TMEM63C: variants seen among roughly 807,000 people sequenced by gnomAD.
TMEM63C encodes the protein transmembrane protein 63C.
Under a neutral mutation model 99.2 loss-of-function variants are expected in TMEM63C, and 32 were observed. That is an observed-to-expected ratio of 0.32 (90% CI 0.24 to 0.43). The LOEUF (loss-of-function observed/expected upper bound fraction) is 0.43. Ranked by LOEUF, TMEM63C falls within the 20% of genes least tolerant of loss-of-function variation. The pLI is 1.00. For missense variants in TMEM63C, 826 were observed against 1,053.0 expected, an observed-to-expected ratio of 0.78 and a Z score of 2.98; for synonymous variants, 376 against 397.9, an observed-to-expected ratio of 0.94 and a Z score of 0.66.
chr14:77,215,143 G>A (rs1486067945), intron 2 of TMEM63C, among the ~76,000 whole-genome samples: 1 of 152,110 alleles, frequency 6.6e-6, no homozygotes, highest in Non-Finnish European at 1.5e-5. Flanking sequence ...AGCCTCCACA[G>A]GCCCCATTGT....
intron 18 of TMEM63C, 31 bp from the exon 19 acceptor site, chr14:77,248,316 G>C: frequency 3.8e-6 from 6 of 1,569,948 alleles, no homozygotes; most frequent in Non-Finnish European, 4.3e-6. Context: ...TGTGGCTTCT[G>C]TTGCCACCTT....
chr14:77,194,378 GTGTGTA>G (rs534768951), intron 1 of TMEM63C, among the ~76,000 whole-genome samples: 18,083 of 118,094 alleles, frequency 0.15, 1,272 homozygotes, highest in Middle Eastern at 0.23. Context: ...GTGTGTGTGT[GTGTGTA>G]TGTTCATATT....
At chr14:77,191,944 C>T (rs1479467305) in intron 1 of TMEM63C, among the ~76,000 whole-genome samples, 3 of 152,164 alleles carry the variant, frequency 2.0e-5, no homozygotes, top group African/African-American at 7.2e-5. Context: ...GTCTATTTCT[C>T]CCTTCAGTTT....
chr14:77,242,279 T>A (rs1440614266), intron 13 of TMEM63C, 68 bp from the exon 14 acceptor site: 13 of 1,569,122 alleles, frequency 8.3e-6, no homozygotes, highest in Non-Finnish European at 1.1e-5. Flanking sequence ...GCTCCTGGCA[T>A]GAGACCCTCC....
chr14:77,230,643 T>G (rs964835821), intron 6 of TMEM63C, among the ~76,000 whole-genome samples: 1 of 152,070 alleles, frequency 6.6e-6, no homozygotes, highest in Non-Finnish European at 1.5e-5. Flanking sequence ...ATATGAGGGA[T>G]CTAGGCTGCC....
rs190534347 is a variant in TMEM63C at position 77,190,256 on chromosome 14, A to G, written c.-77+8362A>G. ...AGAGGTAGAAAGTCCCAACAGACCA[A>G]TAATCACTGAAGAAACTGAGTTTTC... On this transcript the variant is annotated intron_variant, in intron 1 of 23. Coordinates refer to ENST00000298351, the MANE Select transcript of TMEM63C (RefSeq NM_020431.4). 9.2e-5 allele frequency among the ~76,000 whole-genome samples: 14 copies of G among 152,236 alleles called. No individual in the cohort carries two copies. The East Asian group carries it at 2.7e-3, about 29-fold the overall frequency.
chr14:77,210,203 C>A (rs1000613713), intron 1 of TMEM63C, among the ~76,000 whole-genome samples: 2 of 152,154 alleles, frequency 1.3e-5, no homozygotes, highest in Non-Finnish European at 2.9e-5. Flanking sequence ...GATTCTCATG[C>A]TTAATGTCTG....
Position 77,213,509 on chromosome 14 carries a change from G to A in TMEM63C, c.-14+1G>A, listed in dbSNP as rs760225401. On this transcript the variant is annotated splice_donor_variant, in intron 2 of 23. Transcript: ENST00000298351. LOFTEE classifies it low-confidence loss of function (5UTR_SPLICE). ...GACCTTCACTGGAGAAGTGACTCAG[G>A]TGGGAAAAGTCTCCCCGGGCCTCTC... The A allele has an allele frequency of 1.3e-5, 2 of 152,198 alleles. No individual in the cohort carries two copies. Among genetic ancestry groups the A allele is most frequent in the Non-Finnish European group, 2.9e-5 (2 of 68,042 alleles). The allele number at this position is 152,198 out of a possible 1,614,324, so 9.4% of individuals were successfully genotyped here. A position where few individuals can be genotyped will look rare whatever the true frequency, so the allele number is the denominator to read the frequency against.
chr14:77,218,635 C>G (rs577074430), intron 2 of TMEM63C, among the ~76,000 whole-genome samples, 166 bp from the exon 3 acceptor site: 3 of 152,384 alleles, frequency 2.0e-5, no homozygotes, highest in Admixed American at 6.5e-5. Flanking sequence ...TCTTGCAGGA[C>G]AGGGCTGTGT....
At position 77,249,336 on chromosome 14, in the gene TMEM63C, T is replaced by G; in HGVS notation, c.1916T>G (p.Met639Arg). Residue 639 changes from methionine to arginine, a missense_variant, in exon 21 of 24, where the codon ATG (methionine) becomes AGG (arginine). Met to Arg is a moderately conservative substitution (Grantham distance 91). Transcript: ENST00000298351. ...AAGCACTTGACGGATCGCTATAACA[T>G]GTACTACTCCTTTGCACCCACCAAA... ...CMKHLTDRYNMYYSFAPTKLN... is the reference protein window; with the variant it reads ...CMKHLTDRYNRYYSFAPTKLN... 1 of 1,614,004 alleles carries G rather than the reference T, an allele frequency of 6.2e-7. No individual in the cohort carries two copies. Among genetic ancestry groups the G allele is most frequent in the Non-Finnish European group, 8.5e-7 (1 of 1,179,886 alleles).
rs553115607 is a variant in TMEM63C at position 77,191,755 on chromosome 14, G to T, written c.-77+9861G>T. Among the ~76,000 whole-genome samples, 34 of 151,750 alleles carry T rather than the reference G, an allele frequency of 2.2e-4. No individual in the cohort carries two copies. In the East Asian group the frequency reaches 4.1e-3, roughly 18 times the overall value. ...GATGGGATTTCTCCATGTTGGTCAGGCTGGTCTCGAACTCCCGACCTCAGG... is the reference window on the plus strand; with the variant it reads ...GATGGGATTTCTCCATGTTGGTCAGTCTGGTCTCGAACTCCCGACCTCAGG... On this transcript the variant is annotated intron_variant, in intron 1 of 23. Transcript: ENST00000298351.
chr14:77,256,451 T>C, intron 23 of TMEM63C, 75 bp from the exon 24 acceptor site: 1 of 1,447,200 alleles, frequency 6.9e-7, no homozygotes, highest in Non-Finnish European at 9.6e-7. Flanking sequence ...GGGTGGGGCA[T>C]GAGGGGAGAG....
At chr14:77,194,553 C>CTTTCTTTCTTTT (rs56115104) in intron 1 of TMEM63C, among the ~76,000 whole-genome samples, 6 of 125,046 alleles carry the variant, frequency 4.8e-5, no homozygotes, top group African/African-American at 1.9e-4. Context: ...TTCTTTCTTT[C>CTTTCTTTCTTTT]TCTTTCTTTC....
At chr14:77,217,966 G>C (rs1255942412) in intron 2 of TMEM63C, among the ~76,000 whole-genome samples, 1 of 151,964 alleles carries the variant, frequency 6.6e-6, no homozygotes, top group African/African-American at 2.4e-5. Flanking sequence ...GTGGGGAGTG[G>C]GGATGCTTAA....
intron 2 of TMEM63C, among the ~76,000 whole-genome samples, chr14:77,216,805 C>T (rs980387535): frequency 1.3e-5 from 2 of 152,144 alleles, no homozygotes; most frequent in African/African-American, 2.4e-5. Flanking sequence ...GTCTCCTGCC[C>T]GGACCCTGGC....
Position 77,204,046 on chromosome 14 carries a change from C to T in TMEM63C, c.-76-9400C>T, listed in dbSNP as rs558190813. Among the ~76,000 whole-genome samples the T allele has an allele frequency of 2.5e-4, 38 of 152,360 alleles. 2 individuals carry two copies. In the South Asian group the frequency reaches 6.2e-3, roughly 25 times the overall value. ...AGGGAGAACCATGCTGGCTGCCTGC[C>T]GGCATCTTAGCCCAGGGGCCCTGCA... On this transcript the variant is annotated intron_variant, in intron 1 of 23. Coordinates refer to ENST00000298351, the MANE Select transcript of TMEM63C (RefSeq NM_020431.4).
rs74061148 is a variant in TMEM63C, at chr14:77,227,669, C to G, written c.350+2208C>G. 6.1e-3 allele frequency among the ~76,000 whole-genome samples: 924 copies of G among 152,312 alleles called. 10 individuals carry two copies. Among genetic ancestry groups the G allele is most frequent in the African/African-American group, 0.022 (901 of 41,556 alleles). On this transcript the variant is annotated intron_variant, in intron 6 of 23. Coordinates refer to ENST00000298351, the MANE Select transcript of TMEM63C (RefSeq NM_020431.4). The stretch of plus-strand genomic sequence containing the variant: ...AGGAAGAGGCATCCTCTGGGCTGGA[C>G]TCAGTGAAGCCAGGCCAGGACAAGG...
At chr14:77,194,464 A>G (rs1432942216) in intron 1 of TMEM63C, among the ~76,000 whole-genome samples, 1 of 149,796 alleles carries the variant, frequency 6.7e-6, no homozygotes, top group Non-Finnish European at 1.5e-5. Context: ...TAGATCTGAG[A>G]TGGCAGGGAC....
At chr14:77,193,910 A>G (rs1379952288) in intron 1 of TMEM63C, among the ~76,000 whole-genome samples, 1 of 151,974 alleles carries the variant, frequency 6.6e-6, no homozygotes, top group African/African-American at 2.4e-5. Context: ...GGAGGTGGAA[A>G]GATCACTTGA....
Sources: gnomAD v4.1 joint callset for allele counts (sites outside exome capture counted in the v4.1 genomes callset) on GRCh38, gnomAD v4.1.1 for gene constraint, MANE v1.5 for transcripts, NCBI Gene and HGNC (gene_info 2026-07-23, HGNC 2026-07-21) for gene names.